The following HDDC3 variants were observed in gnomAD, a reference collection of about 807,000 sequenced individuals.
HDDC3 encodes HD domain containing 3.
Under a neutral mutation model 19.1 loss-of-function variants are expected in HDDC3, and 18 were observed. That is an observed-to-expected ratio of 0.94 (90% CI 0.65 to 1.40). HDDC3 has a LOEUF of 1.40. Ranked by LOEUF, HDDC3 falls within the 40% of genes most tolerant of loss-of-function variation. The pLI is 0.00. For missense variants in HDDC3, 250 were observed against 228.9 expected (o/e 1.09, Z -0.59); for synonymous variants, 107 against 99.4 (o/e 1.08, Z -0.46).
rs868187066 is a variant in HDDC3, at chr15:90,930,131, G to A, written c.*1144C>T. The A allele has an allele frequency of 2.6e-5, 4 of 152,116 alleles. No homozygotes were observed. The highest frequency in any genetic ancestry group is 9.7e-5 in the African/African-American group (4 of 41,426). 9.4% of individuals were successfully genotyped at this position (152,116 alleles called of 1,614,324 possible). Reference sequence around the variant, plus strand: ...CCCTACGCCGACCGCCGGGCTCCCGGGGTCGGACAGCCCCGGGCCACTTCC... The same window carrying A: ...CCCTACGCCGACCGCCGGGCTCCCGAGGTCGGACAGCCCCGGGCCACTTCC... On this transcript the variant is annotated 3_prime_UTR_variant, in exon 4 of 4. Transcript: ENST00000394272.
chr15:90,931,660 G>A (rs1396720229), intron 3 of HDDC3, 44 bp downstream of exon 3: 2 of 1,613,806 alleles, frequency 1.2e-6, no homozygotes, highest in East Asian at 2.2e-5. Flanking sequence ...TTCAGAAGGC[G>A]GCATCCCCCT....
rs772563160 is a variant in HDDC3 at position 90,931,703 on chromosome 15, C to T, written c.409+1G>A. 14 of 1,613,910 alleles carry T rather than the reference C, an allele frequency of 8.7e-6. No homozygotes were observed. Among genetic ancestry groups the T allele is most frequent in the South Asian group, 3.3e-5 (3 of 91,070 alleles). ...CCCTTACAGCCCATACGAAAGCGTA[C>T]CCTCTGGGGTGCAGCGATTCAGGTC... On this transcript the variant is annotated splice_donor_variant, in intron 3 of 3. Coordinates refer to ENST00000394272, the MANE Select transcript of HDDC3 (RefSeq NM_001286451.2). LOFTEE classifies it high-confidence loss of function.
Position 90,930,163 on chromosome 15 carries a change from T to C in HDDC3, c.*1112A>G, listed in dbSNP as rs2035741226. 6.6e-6 allele frequency: 1 copy of C among 151,942 alleles called. No individual in the cohort carries two copies. Among genetic ancestry groups the C allele is most frequent in the Non-Finnish European group, 1.5e-5 (1 of 67,972 alleles). The allele number at this position is 151,942 out of a possible 1,614,324, so 9.4% of individuals were successfully genotyped here. On this transcript the variant is annotated 3_prime_UTR_variant, in exon 4 of 4. Transcript: ENST00000394272. ...ACAGCCCCGGGCCACTTCCGGGCCT[T>C]CCCGGAAGTCCCTGTCACTTAACAA... is the stretch of plus-strand genomic sequence containing the variant.
In HDDC3 at chr15:90,932,095, A is replaced by AG. The variant is rs1434257835; in HGVS notation, c.127dup (p.Leu43ProfsTer9). 1.2e-6 allele frequency: 2 copies of AG among 1,603,976 alleles called. No homozygotes were observed. Among genetic ancestry groups the AG allele is most frequent in the Admixed American group, 3.4e-5 (2 of 59,314 alleles). Reference sequence around the variant, plus strand: ...GTCAGTGATTCCCGCCTCGTGGGTCAGGATCCGTGCCACACCTGACGGGGA... The same window carrying AG: ...GTCAGTGATTCCCGCCTCGTGGGTCAGGGATCCGTGCCACACCTGACGGGGA... On this transcript the variant is annotated frameshift_variant, in exon 2 of 4. Coordinates refer to ENST00000394272, the MANE Select transcript of HDDC3 (RefSeq NM_001286451.2). LOFTEE classifies it high-confidence loss of function.
chr15:90,931,379 A>G lies in HDDC3; in HGVS notation c.436T>C (p.Tyr146His). The change falls in exon 4 of 4, where the codon TAC (tyrosine) becomes CAC (histidine). Residue 146 changes from tyrosine to histidine, a missense_variant. Physicochemically the swap from Tyr to His is moderately conservative, Grantham distance 83. Transcript: ENST00000394272. The part of the protein sequence containing the change: ...EGWSEHRVQE[Y>H]FEWAAQVVKG... Reference sequence around the variant, plus strand: ...ACCACCTGCGCTGCCCACTCGAAGTATTCCTGGACTCGATGTTCTGACCAT... The same window carrying G: ...ACCACCTGCGCTGCCCACTCGAAGTGTTCCTGGACTCGATGTTCTGACCAT... 6.4e-7 allele frequency: 1 copy of G among 1,562,062 alleles called. No homozygotes were observed. The highest frequency in any genetic ancestry group is 2.4e-5 in the East Asian group (1 of 41,346).
Position 90,932,056 on chromosome 15 carries a change from T to C in HDDC3, c.167A>G (p.Gln56Arg), listed in dbSNP as rs1212362100. The C allele has an allele frequency of 1.9e-6, 3 of 1,613,332 alleles. No individual in the cohort carries two copies. The highest frequency in any genetic ancestry group is 2.5e-6 in the Non-Finnish European group (3 of 1,179,614). Reference sequence around the variant, plus strand: ...CTGGCAGAGAAGGGGGAAAGTTACCTGTAACACCACAATGTCAGTGATTCC... The same window carrying C: ...CTGGCAGAGAAGGGGGAAAGTTACCCGTAACACCACAATGTCAGTGATTCC... The part of the protein sequence containing the change: ...EAGITDIVVL[Q>R]AALLHDTVED... Residue 56 changes from glutamine to arginine, a missense_variant and splice_region_variant, in exon 2 of 4, where the codon CAG becomes CGG. Gln to Arg is a conservative substitution (Grantham distance 43). Transcript: ENST00000394272.
rs1309944702 is a variant in HDDC3 at position 90,932,465 on chromosome 15, C to A, written c.76G>T (p.Asp26Tyr). ...TTGATGTAGGGGGTCCCCTCGGGGT[C>A]CTTCCGCCGCTGCTGCCGGTGCTTG... ...ARKHRQQRRK[D>Y]PEGTPYINHP... Residue 26 changes from aspartate (D) to tyrosine (Y), a missense_variant, in exon 1 of 4, where the codon GAC becomes TAC. Asp to Tyr is a radical substitution (Grantham distance 160). Coordinates refer to ENST00000394272, the MANE Select transcript of HDDC3 (RefSeq NM_001286451.2). 1.5e-6 allele frequency: 2 copies of A among 1,325,364 alleles called. No individual in the cohort carries two copies. The highest frequency in any genetic ancestry group is 3.6e-5 in the Admixed American group (1 of 27,672). The allele number at this position is 1,325,364 out of a possible 1,614,324, so 82.1% of individuals were successfully genotyped here. A position where few individuals can be genotyped will look rare whatever the true frequency, so the allele number is the denominator to read the frequency against.
In HDDC3 at chr15:90,930,087, A is replaced by G. The variant is rs1421411754; in HGVS notation, c.*1188T>C. ...GGGCAATCCCTCCCCATGGCCACCG[A>G]GCAAAGTTCCACCGCCTCCCCTACG... On this transcript the variant is annotated 3_prime_UTR_variant, in exon 4 of 4. Coordinates refer to ENST00000394272, the MANE Select transcript of HDDC3 (RefSeq NM_001286451.2). 6.6e-6 allele frequency: 1 copy of G among 152,178 alleles called. No homozygotes were observed. The highest frequency in any genetic ancestry group is 1.5e-5 in the Non-Finnish European group (1 of 68,012). The allele number at this position is 152,178 out of a possible 1,614,324, so 9.4% of individuals were successfully genotyped here. A position where few individuals can be genotyped will look rare whatever the true frequency, so the allele number is the denominator to read the frequency against.
chr15:90,931,282 G>A lies in HDDC3; in HGVS notation c.533C>T (p.Thr178Ile). ...GATAGCTTCAAGCACTGATCAGATTGTCAGCCCCCGCTGCTTGAACAGATG... is the reference window on the plus strand; with the variant it reads ...GATAGCTTCAAGCACTGATCAGATTATCAGCCCCCGCTGCTTGAACAGATG... ...LKHLFKQRGL[T>I]I Residue 178 changes from threonine (T) to isoleucine (I), a missense_variant, in exon 4 of 4, where the codon ACA becomes ATA. Coordinates refer to ENST00000394272, the MANE Select transcript of HDDC3 (RefSeq NM_001286451.2). 6.5e-7 allele frequency: 1 copy of A among 1,549,958 alleles called. No individual in the cohort carries two copies. The highest frequency in any genetic ancestry group is 8.7e-7 in the Non-Finnish European group (1 of 1,146,520).
At position 90,931,308 on chromosome 15, in the gene HDDC3, C is replaced by T. The variant is rs1330356623; in HGVS notation, c.507G>A (p.Lys169=). 1 of 1,551,152 alleles carries T rather than the reference C, an allele frequency of 6.4e-7. No individual in the cohort carries two copies. Among genetic ancestry groups the T allele is most frequent in the South Asian group, 1.2e-5 (1 of 84,084 alleles). The part of the protein sequence containing the change: ...GTNRQLEEAL[K]HLFKQRGLTI ...TCAGCCCCCGCTGCTTGAACAGATG[C>T]TTTAGAGCCTCTTCCAGTTGCCGGT... The change falls in exon 4 of 4, where the codon AAG becomes AAA. Residue 169 remains lysine (K), a synonymous_variant. Transcript: ENST00000394272.
chr15:90,931,709 G>C lies in HDDC3; in HGVS notation c.404C>G (p.Pro135Arg), dbSNP rs773755660. Residue 135 changes from proline (P) to arginine (R), a missense_variant, in exon 3 of 4, where the codon CCA becomes CGA. Pro to Arg is a moderately radical substitution (Grantham distance 103). Transcript: ENST00000394272. ...CAGCCCATACGAAAGCGTACCCTCT[G>C]GGGTGCAGCGATTCAGGTCCCTCAG... ...YNLRDLNRCT[P>R]EGWSEHRVQE... 1 of 1,614,074 alleles carries C rather than the reference G, an allele frequency of 6.2e-7. No individual in the cohort carries two copies. Among genetic ancestry groups the C allele is most frequent in the South Asian group, 1.1e-5 (1 of 91,076 alleles).
Position 90,931,272 on chromosome 15 carries a change from T to G in HDDC3, c.*3A>C, listed in dbSNP as rs1325209940. 1 of 1,550,618 alleles carries G rather than the reference T, an allele frequency of 6.4e-7. No homozygotes were observed. The highest frequency in any genetic ancestry group is 8.7e-7 in the Non-Finnish European group (1 of 1,146,838). The stretch of plus-strand genomic sequence containing the variant: ...TGTGCCTCTGGATAGCTTCAAGCAC[T>G]GATCAGATTGTCAGCCCCCGCTGCT... On this transcript the variant is annotated 3_prime_UTR_variant, in exon 4 of 4. Transcript: ENST00000394272.
At position 90,931,283 on chromosome 15, in the gene HDDC3, T is replaced by G. The variant is rs1438400408; in HGVS notation, c.532A>C (p.Thr178Pro). Residue 178 changes from threonine (T) to proline (P), a missense_variant, in exon 4 of 4, where the codon ACA (threonine) becomes CCA (proline). Transcript: ENST00000394272. The stretch of plus-strand genomic sequence containing the variant: ...ATAGCTTCAAGCACTGATCAGATTG[T>G]CAGCCCCCGCTGCTTGAACAGATGC... The part of the protein sequence containing the change: ...LKHLFKQRGL[T>P]I 6.4e-7 allele frequency: 1 copy of G among 1,550,818 alleles called. No individual in the cohort carries two copies. Among genetic ancestry groups the G allele is most frequent in the East Asian group, 2.4e-5 (1 of 40,932 alleles).
chr15:90,932,232 A>C (rs1163306778), intron 1 of HDDC3, 122 bp from the exon 2 acceptor site: 3 of 1,122,668 alleles, frequency 2.7e-6, no homozygotes, highest in Non-Finnish European at 3.7e-6. Flanking sequence ...ACCTTGGTCA[A>C]GTACCTTACC....
At chr15:90,932,342 C>G in intron 1 of HDDC3, 87 bp downstream of exon 1, 1 of 857,734 alleles carries the variant, frequency 1.2e-6, no homozygotes, top group Non-Finnish European at 1.7e-6. Flanking sequence ...AAAACAGGTG[C>G]TCAATGAGGT....
At position 90,931,356 on chromosome 15, in the gene HDDC3, C is replaced by A. The variant is rs2035782610; in HGVS notation, c.459G>T (p.Val153=). 1.9e-6 allele frequency: 3 copies of A among 1,553,590 alleles called. No individual in the cohort carries two copies. Among genetic ancestry groups the A allele is most frequent in the Middle Eastern group, 3.3e-4 (2 of 6,018 alleles). ...VQEYFEWAAQ[V]VKGLQGTNRQ... ...GGTTTGTTCCCTGAAGCCCCTTCACCACCTGCGCTGCCCACTCGAAGTATT... is the reference window on the plus strand; with the variant it reads ...GGTTTGTTCCCTGAAGCCCCTTCACAACCTGCGCTGCCCACTCGAAGTATT... Residue 153 remains valine, a synonymous_variant, in exon 4 of 4, where the codon GTG becomes GTT. Coordinates refer to ENST00000394272, the MANE Select transcript of HDDC3 (RefSeq NM_001286451.2).
At position 90,932,119 on chromosome 15, in the gene HDDC3, G is replaced by C. The variant is rs776700535; in HGVS notation, c.113-9C>G. ...CAGGATCCGTGCCACACCTGACGGG[G>C]AGGGGCAAAGCAGGAAGTCAGGTCG... On this transcript the variant is annotated splice_polypyrimidine_tract_variant and intron_variant, in intron 1 of 3. Coordinates refer to ENST00000394272, the MANE Select transcript of HDDC3 (RefSeq NM_001286451.2). 2 of 1,583,876 alleles carry C rather than the reference G, an allele frequency of 1.3e-6. No homozygotes were observed. Among genetic ancestry groups the C allele is most frequent in the East Asian group, 2.2e-5 (1 of 44,546 alleles).
In HDDC3 at chr15:90,930,598, A is replaced by C. The variant is rs1257295017; in HGVS notation, c.*677T>G. 1 of 152,238 alleles carries C rather than the reference A, an allele frequency of 6.6e-6. No individual in the cohort carries two copies. The highest frequency in any genetic ancestry group is 1.5e-5 in the Non-Finnish European group (1 of 68,176). The allele number at this position is 152,238 out of a possible 1,614,324, so 9.4% of individuals were successfully genotyped here. Reference sequence around the variant, plus strand: ...TGGCCAGGCTGGTCTTGAACTCCTGACCTCAAGTGATCCGCCCGCCTCGGT... The same window carrying C: ...TGGCCAGGCTGGTCTTGAACTCCTGCCCTCAAGTGATCCGCCCGCCTCGGT... On this transcript the variant is annotated 3_prime_UTR_variant, in exon 4 of 4. Transcript: ENST00000394272.
rs1455536383 is a variant in HDDC3 at position 90,930,094 on chromosome 15, T to G, written c.*1181A>C. On this transcript the variant is annotated 3_prime_UTR_variant, in exon 4 of 4. Coordinates refer to ENST00000394272, the MANE Select transcript of HDDC3 (RefSeq NM_001286451.2). Reference sequence around the variant, plus strand: ...CCCTCCCCATGGCCACCGAGCAAAGTTCCACCGCCTCCCCTACGCCGACCG... The same window carrying G: ...CCCTCCCCATGGCCACCGAGCAAAGGTCCACCGCCTCCCCTACGCCGACCG... 4 of 151,878 alleles carry G rather than the reference T, an allele frequency of 2.6e-5. No individual in the cohort carries two copies. Among genetic ancestry groups the G allele is most frequent in the Non-Finnish European group, 5.9e-5 (4 of 67,962 alleles). 9.4% of individuals were successfully genotyped at this position (151,878 alleles called of 1,614,324 possible).
Sources: allele counts gnomAD v4.1 joint callset, GRCh38; gene constraint gnomAD v4.1.1; transcripts MANE v1.5; gene names NCBI Gene and HGNC (gene_info 2026-07-23, HGNC 2026-07-21).